The following VPS26A variants were observed in gnomAD, a reference collection of about 807,000 sequenced individuals.
VPS26A encodes VPS26 retromer complex component A.
In VPS26A, 22 loss-of-function variants were observed where a neutral mutation model predicts 42.4. The ratio of observed to expected loss-of-function variants is 0.52; its 90% CI spans 0.37 to 0.74. VPS26A has a LOEUF of 0.74. Among genes scored for constraint, VPS26A ranks in the 30% least tolerant of loss-of-function variants. VPS26A has a pLI of 0.00. For missense variants in VPS26A, 276 were observed against 379.2 expected, an observed-to-expected ratio of 0.73 and a Z score of 2.26; for synonymous variants, 110 against 123.5, an observed-to-expected ratio of 0.89 and a Z score of 0.73.
chr10:69,160,167 C>G (rs1841522824), intron 5 of VPS26A, among the ~76,000 whole-genome samples: 1 of 129,174 alleles, frequency 7.7e-6, no homozygotes, highest in African/African-American at 2.6e-5. Context: ...CACACACACA[C>G]AGTTTTTTGT....
intron 1 of VPS26A, among the ~76,000 whole-genome samples, chr10:69,125,120 C>G (rs571469735): frequency 7.9e-4 from 121 of 152,328 alleles, no homozygotes; most frequent in Non-Finnish European, 1.6e-3. Flanking sequence ...CTTCATTTAG[C>G]GCCTACTGTA....
At chr10:69,126,061 C>G (rs1840644754) in intron 1 of VPS26A, among the ~76,000 whole-genome samples, 1 of 152,122 alleles carries the variant, frequency 6.6e-6, no homozygotes. Context: ...TATTTAAAAG[C>G]TCAAGAGTTT....
chr10:69,127,213 T>C (rs2132179557), intron 1 of VPS26A, among the ~76,000 whole-genome samples: 1 of 149,712 alleles, frequency 6.7e-6, no homozygotes, highest in Admixed American at 6.7e-5. Context: ...CCCAAAGTGT[T>C]GGGATTACAG....
At chr10:69,152,435 T>G (rs888115476) in intron 2 of VPS26A, among the ~76,000 whole-genome samples, 2 of 152,254 alleles carry the variant, frequency 1.3e-5, no homozygotes, top group Non-Finnish European at 2.9e-5. Context: ...TTTTTAAACT[T>G]TTAATAATAT....
chr10:69,128,681 A>G (rs1840711924), intron 1 of VPS26A, among the ~76,000 whole-genome samples: 1 of 151,942 alleles, frequency 6.6e-6, no homozygotes, highest in African/African-American at 2.4e-5. Flanking sequence ...AGCTCTGGGA[A>G]GTGTCAGGAG....
At chr10:69,137,862 GATAT>G (rs745881334) in intron 2 of VPS26A, among the ~76,000 whole-genome samples, 23 of 144,822 alleles carry the variant, frequency 1.6e-4, no homozygotes, top group African/African-American at 3.5e-4. Flanking sequence ...GCTGTATTGA[GATAT>G]ATATATATAT....
At chr10:69,156,168 G>A (rs7074955) in intron 3 of VPS26A, among the ~76,000 whole-genome samples, 6,307 of 151,598 alleles carry the variant, frequency 0.042, 455 homozygotes, top group African/African-American at 0.14. Context: ...TCATCTGCCT[G>A]CATTTTTCAC....
At chr10:69,159,061 G>A (rs1012864343) in intron 5 of VPS26A, among the ~76,000 whole-genome samples, 21 of 152,072 alleles carry the variant, frequency 1.4e-4, no homozygotes, top group Non-Finnish European at 3.1e-4. Flanking sequence ...CAGCCATACT[G>A]TGGAATGCTA....
intron 5 of VPS26A, among the ~76,000 whole-genome samples, chr10:69,160,794 T>C (rs974774515): frequency 6.6e-6 from 1 of 152,188 alleles, no homozygotes; most frequent in African/African-American, 2.4e-5. Context: ...GAGCCAAACC[T>C]GGGAGGATGC....
intron 2 of VPS26A, among the ~76,000 whole-genome samples, chr10:69,139,020 T>C (rs1840983316): frequency 6.6e-6 from 1 of 152,232 alleles, no homozygotes; most frequent in South Asian, 2.1e-4. Context: ...AATTATATAC[T>C]TTATGTGCTT....
intron 2 of VPS26A, among the ~76,000 whole-genome samples, chr10:69,155,049 C>T (rs1841403150): frequency 6.6e-6 from 1 of 151,854 alleles, no homozygotes; most frequent in Non-Finnish European, 1.5e-5. Flanking sequence ...CTTTGGGAGG[C>T]TGAGGGAGGA....
chr10:69,138,532 G>C (rs971567608), intron 2 of VPS26A, among the ~76,000 whole-genome samples: 1 of 152,170 alleles, frequency 6.6e-6, no homozygotes, highest in Non-Finnish European at 1.5e-5. Flanking sequence ...CCTGCACTCA[G>C]CCGTATCTTT....
At chr10:69,156,916 G>T in intron 3 of VPS26A, 91 bp from the exon 4 acceptor site, 1 of 1,184,840 alleles carries the variant, frequency 8.4e-7, no homozygotes, top group Non-Finnish European at 1.2e-6. Context: ...TAATTCTTTT[G>T]GTAAAAATCG....
At chr10:69,145,800 A>G (rs750837188) in intron 2 of VPS26A, among the ~76,000 whole-genome samples, 20 of 150,892 alleles carry the variant, frequency 1.3e-4, no homozygotes, top group Non-Finnish European at 2.7e-4. Flanking sequence ...GTGTATAGTG[A>G]TTTTTACTAT....
At chr10:69,151,574 G>A (rs1261721418) in intron 2 of VPS26A, among the ~76,000 whole-genome samples, 1 of 152,128 alleles carries the variant, frequency 6.6e-6, no homozygotes, top group African/African-American at 2.4e-5. Flanking sequence ...CAAATTCTGG[G>A]ATTCTTCATA....
chr10:69,137,860 G>GAT lies in VPS26A; in HGVS notation c.153+4814_153+4815insTA, dbSNP rs1491160945. The stretch of plus-strand genomic sequence containing the variant: ...GATTTTTCTTTTTTTAAGCTGTATT[G>GAT]AGATATATATATATATATATATTCG... On this transcript the variant is annotated intron_variant, in intron 2 of 8. Transcript: ENST00000263559. 7.0e-3 allele frequency among the ~76,000 whole-genome samples: 990 copies of GAT among 141,644 alleles called. 22 individuals carry two copies. The highest frequency in any genetic ancestry group is 0.028 in the African/African-American group (936 of 33,364). 92.9% of individuals were successfully genotyped at this position (141,644 alleles called of 152,430 possible).
intron 7 of VPS26A, among the ~76,000 whole-genome samples, chr10:69,166,473 T>C (rs1011172723): frequency 4.6e-5 from 7 of 152,238 alleles, no homozygotes; most frequent in Non-Finnish European, 1.0e-4. Context: ...CTGTAGGTTT[T>C]TGGAGTCATT....
At chr10:69,147,623 G>T (rs1841190912) in intron 2 of VPS26A, among the ~76,000 whole-genome samples, 1 of 152,166 alleles carries the variant, frequency 6.6e-6, no homozygotes, top group Non-Finnish European at 1.5e-5. Context: ...TCTTTTGCAT[G>T]TCAGTATCCA....
chr10:69,165,990 G>A (rs1841679195), intron 6 of VPS26A, 52 bp from the exon 7 acceptor site: 2 of 1,525,438 alleles, frequency 1.3e-6, no homozygotes, highest in Non-Finnish European at 1.8e-6. Flanking sequence ...CATAAGGCTA[G>A]TAATTATATT....
Sources: allele counts gnomAD v4.1 joint callset (sites outside exome capture counted in the v4.1 genomes callset), GRCh38; gene constraint gnomAD v4.1.1; transcripts MANE v1.5; gene names NCBI Gene and HGNC (gene_info 2026-07-23, HGNC 2026-07-21).